SLC25A26: variants seen among roughly 807,000 people sequenced by gnomAD.
SLC25A26 encodes mitochondrial S-adenosylmethionine carrier protein.
Under a neutral mutation model 37.8 loss-of-function variants are expected in SLC25A26, and 36 were observed. The observed-to-expected ratio is 0.95, with a 90% CI of 0.73 to 1.26. The LOEUF is 1.26. Ranked by LOEUF, SLC25A26 falls within the 50% of genes most tolerant of loss-of-function variation. SLC25A26 has a pLI of 0.00. For missense variants in SLC25A26, 390 were observed against 331.1 expected (o/e 1.18, Z -1.38); for synonymous variants, 129 against 122.5 (o/e 1.05, Z -0.35).
intron 1 of SLC25A26, among the ~76,000 whole-genome samples, chr3:66,197,170 A>AT (rs2071055515): frequency 6.6e-6 from 1 of 151,992 alleles, no homozygotes; most frequent in Non-Finnish European, 1.5e-5. Flanking sequence ...CCCAATATGA[A>AT]TTTTTTTCAA....
At chr3:66,304,684 CATT>C (rs2075167822) in intron 5 of SLC25A26, 2 of 260,994 alleles carry the variant, frequency 7.7e-6, no homozygotes, top group Admixed American at 9.8e-5. Flanking sequence ...CTTTTAGAAT[CATT>C]ATATCCAGTT....
chr3:66,243,257 C>T lies in SLC25A26; in HGVS notation c.245C>T (p.Ser82Leu), dbSNP rs373490963. ...EYVKWFLHAD[S>L]SSYLTPMKHM... ...GTGAAGTGGTTTTTGCATGCTGATT[C>T]ATCTTCATATTTGACACCTATGAAA... Residue 82 changes from serine to leucine, a missense_variant, in exon 3 of 10, where the codon TCA becomes TTA. Ser to Leu is a moderately radical substitution (Grantham distance 145). Transcript: ENST00000354883. 6.2e-7 allele frequency: 1 copy of T among 1,609,924 alleles called. No homozygotes were observed. The highest frequency in any genetic ancestry group is 1.3e-5 in the African/African-American group (1 of 74,884).
intron 5 of SLC25A26, among the ~76,000 whole-genome samples, chr3:66,280,734 T>C (rs1185301152): frequency 6.6e-6 from 1 of 152,202 alleles, no homozygotes; most frequent in Non-Finnish European, 1.5e-5. Flanking sequence ...AAACGTGTAT[T>C]TTTTTTCCCC....
intron 5 of SLC25A26, among the ~76,000 whole-genome samples, chr3:66,338,700 G>C (rs756483137): frequency 6.6e-6 from 1 of 151,888 alleles, no homozygotes; most frequent in Non-Finnish European, 1.5e-5. Context: ...AGAGCTTCCT[G>C]CTTTCCCCTT....
intron 5 of SLC25A26, among the ~76,000 whole-genome samples, chr3:66,312,464 C>A (rs1465711431): frequency 1.3e-5 from 2 of 151,640 alleles, no homozygotes; most frequent in Non-Finnish European, 2.9e-5. Context: ...GGCTTCCTGG[C>A]TTCAGCCCCC....
intron 5 of SLC25A26, among the ~76,000 whole-genome samples, chr3:66,321,359 G>A (rs985504579): frequency 1.1e-4 from 17 of 152,112 alleles, no homozygotes; most frequent in Admixed American, 1.0e-3. Context: ...TGGCTCAGTT[G>A]CAGTGTTATC....
chr3:66,220,118 A>G (rs36191291), upstream of SLC25A26, among the ~76,000 whole-genome samples: 556 of 152,336 alleles, frequency 3.6e-3, 3 homozygotes, highest in East Asian at 0.017. Flanking sequence ...AAAGATGATG[A>G]GGGCATTAAG....
At chr3:66,185,113 C>G (rs1318401514) in intron 1 of SLC25A26, among the ~76,000 whole-genome samples, 1 of 152,120 alleles carries the variant, frequency 6.6e-6, no homozygotes, top group South Asian at 2.1e-4. Flanking sequence ...ATAACAACTC[C>G]CTCTTTTTTC....
chr3:66,141,196 G>A (rs963961564), intron 1 of SLC25A26, among the ~76,000 whole-genome samples: 2 of 149,658 alleles, frequency 1.3e-5, no homozygotes, highest in Admixed American at 6.8e-5. Context: ...GAAACAGGGT[G>A]AAGGGCACAC....
intron 3 of SLC25A26, among the ~76,000 whole-genome samples, chr3:66,259,473 C>T (rs2073437115): frequency 6.6e-6 from 1 of 152,148 alleles, no homozygotes; most frequent in Non-Finnish European, 1.5e-5. Flanking sequence ...CCCTTCTTCC[C>T]TGGACTGCTA....
intron 5 of SLC25A26, among the ~76,000 whole-genome samples, chr3:66,305,915 A>G (rs1349393152): frequency 6.6e-6 from 1 of 152,204 alleles, no homozygotes; most frequent in Non-Finnish European, 1.5e-5. Flanking sequence ...TTACATTTTC[A>G]CCAATAGCGT....
chr3:66,374,995 T>C (rs1700563764), intron 9 of SLC25A26, among the ~76,000 whole-genome samples: 1 of 152,204 alleles, frequency 6.6e-6, no homozygotes. Context: ...GTTAACCAAA[T>C]TGTAAATGCA....
At chr3:66,148,794 G>A (rs2070156966) in intron 1 of SLC25A26, among the ~76,000 whole-genome samples, 1 of 152,140 alleles carries the variant, frequency 6.6e-6, no homozygotes, top group South Asian at 2.1e-4. Flanking sequence ...CTGGGCTTAA[G>A]TGATCTTCCT....
chr3:66,202,338 ACAT>A (rs1227907717), intron 1 of SLC25A26, among the ~76,000 whole-genome samples: 6 of 152,038 alleles, frequency 3.9e-5, no homozygotes, highest in Non-Finnish European at 7.4e-5. Flanking sequence ...AGGGAGGGGT[ACAT>A]CACACACTGG....
intron 1 of SLC25A26, among the ~76,000 whole-genome samples, chr3:66,147,154 TTC>T (rs1475252172): frequency 6.2e-5 from 5 of 80,836 alleles, no homozygotes; most frequent in African/African-American, 2.7e-4. Flanking sequence ...CGTCCCTCTT[TTC>T]TTTTCTTTTC....
At chr3:66,372,019 G>A (rs1700370734) in intron 9 of SLC25A26, among the ~76,000 whole-genome samples, 1 of 152,152 alleles carries the variant, frequency 6.6e-6, no homozygotes, top group African/African-American at 2.4e-5. Flanking sequence ...CTTGAGCCCG[G>A]GAAGTCGAGG....
intron 5 of SLC25A26, among the ~76,000 whole-genome samples, chr3:66,336,581 GT>G (rs2076096713): frequency 6.6e-6 from 1 of 152,164 alleles, no homozygotes; most frequent in African/African-American, 2.4e-5. Context: ...TGAGTCTTAA[GT>G]TTACCTTCCT....
chr3:66,139,511 C>G (rs1315230256), intron 1 of SLC25A26, among the ~76,000 whole-genome samples: 1 of 152,188 alleles, frequency 6.6e-6, no homozygotes, highest in Non-Finnish European at 1.5e-5. Flanking sequence ...ATAGCATCAT[C>G]TGAAGCAGCA....
chr3:66,377,894 G>C lies in SLC25A26; in HGVS notation c.*87G>C. On this transcript the variant is annotated 3_prime_UTR_variant, in exon 10 of 10. Transcript: ENST00000354883. ...CCGCTGAGCAGCTGTCTGAACTATA[G>C]GCCCCAGTGCTGAAGACCAGTTGTG... is the stretch of plus-strand genomic sequence containing the variant. The C allele has an allele frequency of 9.8e-7, 1 of 1,020,052 alleles. No individual in the cohort carries two copies. The highest frequency in any genetic ancestry group is 1.3e-5 in the South Asian group (1 of 75,368). 63.2% of individuals were successfully genotyped at this position (1,020,052 alleles called of 1,614,324 possible).
Sources: gnomAD v4.1 joint callset for allele counts (sites outside exome capture counted in the v4.1 genomes callset) on GRCh38, gnomAD v4.1.1 for gene constraint, MANE v1.5 for transcripts, NCBI Gene and HGNC (gene_info 2026-07-23, HGNC 2026-07-21) for gene names.